PADI3: variants seen among roughly 807,000 people sequenced by gnomAD.
PADI3 encodes the protein protein-arginine deiminase type-3.
Under a neutral mutation model 71.5 loss-of-function variants are expected in PADI3, and 53 were observed. The ratio of observed to expected loss-of-function variants is 0.74; its 90% confidence interval spans 0.59 to 0.93. The LOEUF (loss-of-function observed/expected upper bound fraction) is 0.93, where lower values mean the gene tolerates loss of function less well. PADI3 is among the 40% of genes least tolerant of loss of function. The pLI is 0.00. For synonymous variants in PADI3, 361 were observed against 347.5 expected (o/e 1.04, Z -0.43); for missense variants, 821 against 868.0 (o/e 0.95, Z 0.68).
chr1:17,268,076 T>G, intron 6 of PADI3, 114 bp downstream of exon 6: 1 of 1,252,430 alleles, frequency 8.0e-7, no homozygotes, highest in Non-Finnish European at 1.1e-6. Flanking sequence ...CTCCGGGAGA[T>G]GCCCTGGTGG....
intron 15 of PADI3, 36 bp from the exon 16 acceptor site, chr1:17,282,810 C>T: frequency 6.7e-7 from 1 of 1,502,114 alleles, no homozygotes; most frequent in Non-Finnish European, 9.1e-7. Context: ...GGGTGGGAGC[C>T]CAGTGATGAA....
chr1:17,267,930 A>T lies in PADI3; in HGVS notation c.620A>T (p.Asp207Val). 6.2e-7 allele frequency: 1 copy of T among 1,614,172 alleles called. No individual in the cohort carries two copies. The highest frequency in any genetic ancestry group is 8.5e-7 in the Non-Finnish European group (1 of 1,180,034). The change falls in exon 6 of 16, where the codon GAT (aspartate) becomes GTT (valine). Residue 207 changes from aspartate to valine, a missense_variant. Asp to Val is a radical substitution (Grantham distance 152). Transcript: ENST00000375460. ...HKLVLHTSSY[D>V]AKRAQVFHIC... ...CTTGTCCTCCATACCTCCAGCTATGATGCCAAACGGGCACAGGTCTTCCAC... is the reference window on the plus strand; with the variant it reads ...CTTGTCCTCCATACCTCCAGCTATGTTGCCAAACGGGCACAGGTCTTCCAC...
In PADI3 at chr1:17,280,807, T is replaced by C. The variant is rs368904251; in HGVS notation, c.1761+11T>C. On this transcript the variant is annotated intron_variant, in intron 15 of 15. Transcript: ENST00000375460. ...TTCTTCCCTGACTTGGTGAGGGCAC[T>C]ACCCATGACTCCTTTGCCAAATCAG... The C allele has an allele frequency of 1.9e-6, 3 of 1,612,958 alleles. No homozygotes were observed. The highest frequency in any genetic ancestry group is 2.2e-5 in the East Asian group (1 of 44,854).
chr1:17,258,927 G>A (rs1329642905), intron 1 of PADI3, among the ~76,000 whole-genome samples: 1 of 152,198 alleles, frequency 6.6e-6, no homozygotes, highest in Non-Finnish European at 1.5e-5. Context: ...TGAGCTCTTC[G>A]TGCCCAGACC....
At chr1:17,271,836 C>CAAAA (rs71571852) in intron 9 of PADI3, among the ~76,000 whole-genome samples, 663 of 79,230 alleles carry the variant, frequency 8.4e-3, no homozygotes, top group African/African-American at 9.5e-3. Context: ...GCAACAACAA[C>CAAAA]AAAAAAAAAA....
At chr1:17,273,912 G>C (rs984223925) in intron 10 of PADI3, among the ~76,000 whole-genome samples, 1 of 152,172 alleles carries the variant, frequency 6.6e-6, no homozygotes, top group Non-Finnish European at 1.5e-5. Flanking sequence ...TTTGGCCCTG[G>C]CCTCACAGGG....
intron 5 of PADI3, 36 bp downstream of exon 5, chr1:17,266,872 G>C: frequency 6.7e-7 from 1 of 1,497,866 alleles, no homozygotes. Context: ...TGGGTGTCCA[G>C]GGTCACTGCT....
chr1:17,249,246 T>C lies in PADI3; in HGVS notation c.92+17T>C. On this transcript the variant is annotated intron_variant, in intron 1 of 15. Coordinates refer to ENST00000375460, the MANE Select transcript of PADI3 (RefSeq NM_016233.2). ...CATTTATGGGTAAGAGTCAGAGGCC[T>C]AGTGGTTTGCAGGCCCTTGGTGCTG... is the stretch of plus-strand genomic sequence containing the variant. The C allele has an allele frequency of 6.2e-7, 1 of 1,601,676 alleles. No individual in the cohort carries two copies. Among genetic ancestry groups the C allele is most frequent in the Non-Finnish European group, 8.6e-7 (1 of 1,168,640 alleles).
chr1:17,271,949 C>T (rs2073260231), intron 9 of PADI3, among the ~76,000 whole-genome samples: 1 of 152,046 alleles, frequency 6.6e-6, no homozygotes, highest in Admixed American at 6.6e-5. Flanking sequence ...ATCACCTCTG[C>T]CCAGGGAATC....
Position 17,249,186 on chromosome 1 carries a change from G to A in PADI3, c.49G>A (p.Ala17Thr), listed in dbSNP as rs34341567. 3 of 1,614,206 alleles carry A rather than the reference G, an allele frequency of 1.9e-6. No individual in the cohort carries two copies. The highest frequency in any genetic ancestry group is 1.1e-5 in the South Asian group (1 of 91,086). The change falls in exon 1 of 16, where the codon GCG becomes ACG. Residue 17 changes from alanine to threonine, a missense_variant. By Grantham distance (58) the Ala-to-Thr change is moderately conservative (BLOSUM62 0). Coordinates refer to ENST00000375460, the MANE Select transcript of PADI3 (RefSeq NM_016233.2). ...TGTGTCCCTGGAGCATCCCACCAGC[G>A]CGGTGTGTGTGGCTGGCGTGGAGAC... ...VRVSLEHPTSAVCVAGVETLV... is the reference protein window; with the variant it reads ...VRVSLEHPTSTVCVAGVETLV...
At chr1:17,252,137 A>G (rs1430936134) in intron 1 of PADI3, among the ~76,000 whole-genome samples, 2 of 152,088 alleles carry the variant, frequency 1.3e-5, no homozygotes, top group Non-Finnish European at 2.9e-5. Context: ...AAAGGGAAGG[A>G]AGGGTACCCT....
chr1:17,271,538 A>G (rs1276843063), intron 9 of PADI3, among the ~76,000 whole-genome samples: 1 of 152,138 alleles, frequency 6.6e-6, no homozygotes, highest in African/African-American at 2.4e-5. Flanking sequence ...GCGCAGGACA[A>G]GCCCCCACAA....
intron 11 of PADI3, 93 bp from the exon 12 acceptor site, chr1:17,276,426 C>T: frequency 1.2e-5 from 15 of 1,289,072 alleles, no homozygotes; most frequent in Non-Finnish European, 1.6e-5. Flanking sequence ...TTTTAAAAAT[C>T]AGATATTGCA....
At chr1:17,260,111 G>C (rs2073085159) in intron 2 of PADI3, among the ~76,000 whole-genome samples, 1 of 152,142 alleles carries the variant, frequency 6.6e-6, no homozygotes, top group Non-Finnish European at 1.5e-5. Flanking sequence ...CTGCTGAGTT[G>C]GGTCTCAGTT....
intron 8 of PADI3, 41 bp from the exon 9 acceptor site, chr1:17,271,026 C>T (rs376973180): frequency 4.9e-5 from 79 of 1,612,238 alleles, no homozygotes; most frequent in Non-Finnish European, 5.9e-5. Flanking sequence ...CCCCAGGCCC[C>T]GGCTCCATCC....
At chr1:17,274,848 A>G in intron 11 of PADI3, 62 bp downstream of exon 11, 5 of 1,533,782 alleles carry the variant, frequency 3.3e-6, no homozygotes, top group Non-Finnish European at 4.5e-6. Flanking sequence ...GGTGGTGATG[A>G]TGGTGGAGCA....
chr1:17,264,830 G>A (rs777267210), intron 3 of PADI3, among the ~76,000 whole-genome samples: 3 of 152,022 alleles, frequency 2.0e-5, no homozygotes, highest in Non-Finnish European at 4.4e-5. Context: ...AGGCAACATG[G>A]TGAAATCCTG....
intron 1 of PADI3, among the ~76,000 whole-genome samples, chr1:17,259,297 A>G (rs1264324925): frequency 6.6e-6 from 1 of 152,076 alleles, no homozygotes; most frequent in Non-Finnish European, 1.5e-5. Context: ...ACCTCAAGTG[A>G]TCCGCCCGCC....
intron 2 of PADI3, among the ~76,000 whole-genome samples, chr1:17,261,188 C>G (rs1360904564): frequency 6.6e-6 from 1 of 152,156 alleles, no homozygotes; most frequent in African/African-American, 2.4e-5. Context: ...GGAGGGAATA[C>G]CCCAAGGGGA....
Sources: allele counts gnomAD v4.1 joint callset (sites outside exome capture counted in the v4.1 genomes callset), GRCh38; gene constraint gnomAD v4.1.1; transcripts MANE v1.5; gene names NCBI Gene and HGNC (gene_info 2026-07-23, HGNC 2026-07-21).